HERC3: variants seen among roughly 807,000 people sequenced by gnomAD.
The protein encoded by HERC3 is probable E3 ubiquitin-protein ligase HERC3.
HERC3 carries 58 observed loss-of-function variants against 129.9 expected under a neutral mutation model. The ratio of observed to expected loss-of-function variants is 0.45; its 90% CI spans 0.36 to 0.56. The LOEUF is 0.56. Ranked by LOEUF, HERC3 falls within the 20% of genes least tolerant of loss-of-function variation. HERC3 has a pLI of 0.00. For missense variants in HERC3, 835 were observed against 1,244.2 expected (o/e 0.67, Z 4.95); for synonymous variants, 430 against 451.0 (o/e 0.95, Z 0.59).
chr4:88,597,691 G>T (rs1265847566), intron 2 of HERC3, among the ~76,000 whole-genome samples: 3 of 152,202 alleles, frequency 2.0e-5, no homozygotes, highest in Non-Finnish European at 4.4e-5. Context: ...CATTCTTCCA[G>T]CTTCACAAAG....
chr4:88,658,032 G>A (rs2915427), intron 9 of HERC3, among the ~76,000 whole-genome samples: 56,739 of 152,052 alleles, frequency 0.37, 12,560 homozygotes, highest in African/African-American at 0.6. Context: ...AGGTCCTTCC[G>A]TGGCAAGATT....
chr4:88,655,156 GTGTT>G lies in HERC3; in HGVS notation c.778-13_778-10del. The stretch of plus-strand genomic sequence containing the variant: ...CTTAAAGATACAGTGAAGTCCTATG[GTGTT>G]TGTTCCTTGTTAGAGTGGAGGTGTG... On this transcript the variant is annotated splice_polypyrimidine_tract_variant and intron_variant, in intron 7 of 25. Transcript: ENST00000402738. 1.9e-6 allele frequency: 3 copies of G among 1,613,464 alleles called. No homozygotes were observed. Among genetic ancestry groups the G allele is most frequent in the Non-Finnish European group, 2.5e-6 (3 of 1,179,552 alleles).
chr4:88,649,666 C>T (rs550357695), intron 3 of HERC3, among the ~76,000 whole-genome samples, 174 bp from the exon 4 acceptor site: 4 of 151,808 alleles, frequency 2.6e-5, no homozygotes, highest in South Asian at 4.2e-4. Context: ...CCCGGGTCTC[C>T]GAATGTAAAT....
rs1721894241 is a variant in HERC3 at position 88,593,008 on chromosome 4, C to T, written c.-88+434C>T. Among the ~76,000 whole-genome samples, 8 of 152,126 alleles carry T rather than the reference C, an allele frequency of 5.3e-5. No homozygotes were observed. In the South Asian group the frequency reaches 1.7e-3, roughly 32 times the overall value. On this transcript the variant is annotated intron_variant, in intron 1 of 25. Transcript: ENST00000402738. ...TATTTAAATTCTGGGGTTCCAGGGA[C>T]CTCCGTGCAGTGAGGGGCGCGGACG...
At chr4:88,592,075 T>C (rs936135405), upstream of HERC3, among the ~76,000 whole-genome samples, 3 of 152,008 alleles carry the variant, frequency 2.0e-5, no homozygotes, top group East Asian at 3.9e-4. Flanking sequence ...TCCAGCTTTT[T>C]CCCCCGTGCC....
chr4:88,644,876 T>C (rs1728525310), intron 3 of HERC3, among the ~76,000 whole-genome samples: 1 of 152,150 alleles, frequency 6.6e-6, no homozygotes, highest in African/African-American at 2.4e-5. Context: ...TAGACCAAAG[T>C]AATTAATTAA....
the HERC3 span, chr4:88,523,876 C>CT: frequency 6.7e-6 from 4 of 599,836 alleles, no homozygotes; most frequent in East Asian, 1.3e-4. Flanking sequence ...GCTCCGACTG[C>CT]TTTTCCCACG....
At chr4:88,671,290 G>T (rs2149302786) in intron 16 of HERC3, among the ~76,000 whole-genome samples, 1 of 152,204 alleles carries the variant, frequency 6.6e-6, no homozygotes, top group Non-Finnish European at 1.5e-5. Flanking sequence ...AGTGTAGCAG[G>T]TTCATCACCA....
chr4:88,666,319 C>G (rs1203925427), intron 12 of HERC3, among the ~76,000 whole-genome samples: 7 of 152,098 alleles, frequency 4.6e-5, no homozygotes, highest in African/African-American at 1.7e-4. Context: ...ATTTACAAAG[C>G]AATAAATACG....
chr4:88,698,671 G>T (rs576166972), intron 23 of HERC3, among the ~76,000 whole-genome samples: 1 of 149,934 alleles, frequency 6.7e-6, no homozygotes, highest in South Asian at 2.1e-4. Flanking sequence ...CGTCTTCCCT[G>T]CCTTCCCCCA....
intron 21 of HERC3, among the ~76,000 whole-genome samples, chr4:88,682,437 A>G (rs930825091): frequency 4.0e-5 from 6 of 151,152 alleles, no homozygotes; most frequent in Non-Finnish European, 7.4e-5. Context: ...TCGTCATTTA[A>G]CATTAGATGT....
At chr4:88,571,201 T>C in the HERC3 span, among the ~76,000 whole-genome samples, 1 of 152,224 alleles carries the variant, frequency 6.6e-6, no homozygotes, top group East Asian at 1.9e-4. Flanking sequence ...CTCAAGTGGC[T>C]GAGACTACAG....
intron 4 of HERC3, 92 bp from the exon 5 acceptor site, chr4:88,651,920 T>G (rs1729329890): frequency 1.0e-6 from 1 of 959,600 alleles, no homozygotes; most frequent in Admixed American, 1.8e-5. Context: ...TGGTGTTATT[T>G]ATTACTGACA....
chr4:88,657,326 C>CA (rs1730016838), intron 9 of HERC3: 1 of 152,130 alleles, frequency 6.6e-6, no homozygotes. Context: ...ATGAACTTGT[C>CA]ACTCAGTAGA....
chr4:88,543,404 A>C, the HERC3 span, among the ~76,000 whole-genome samples: 1 of 152,200 alleles, frequency 6.6e-6, no homozygotes, highest in Non-Finnish European at 1.5e-5. Context: ...TTCAAGGAGA[A>C]CTACAAACCA....
At chr4:88,605,667 T>A (rs1578151327) in intron 2 of HERC3, 128 bp from the exon 3 acceptor site, 2 of 563,962 alleles carry the variant, frequency 3.5e-6, no homozygotes, top group Non-Finnish European at 3.1e-6. Context: ...ATGTTTTATT[T>A]TGAGTTGTAA....
the HERC3 span, among the ~76,000 whole-genome samples, chr4:88,545,635 A>G: frequency 6.6e-6 from 1 of 151,976 alleles, no homozygotes; most frequent in Non-Finnish European, 1.5e-5. Context: ...TATGTTGCTC[A>G]GGCTGGTCTC....
At chr4:88,690,324 G>C in intron 23 of HERC3, 3 of 985,310 alleles carry the variant, frequency 3.0e-6, no homozygotes, top group Non-Finnish European at 3.6e-6. Context: ...TCATAAAGCA[G>C]ATTTGTTAGC....
At chr4:88,569,119 G>T in the HERC3 span, among the ~76,000 whole-genome samples, 8 of 152,126 alleles carry the variant, frequency 5.3e-5, no homozygotes, top group African/African-American at 1.9e-4. Flanking sequence ...TGGTGGTGGG[G>T]CTAGCTGGAA....
Sources: allele counts gnomAD v4.1 joint callset (sites outside exome capture counted in the v4.1 genomes callset), GRCh38; gene constraint gnomAD v4.1.1; transcripts MANE v1.5; gene names NCBI Gene and HGNC (gene_info 2026-07-23, HGNC 2026-07-21).